The following SANBR variants were observed in gnomAD, a reference collection of about 807,000 sequenced individuals.
SANBR encodes SANT and BTB domain regulator of CSR.
SANBR carries 77 observed loss-of-function variants against 101.8 expected under a neutral mutation model. The observed-to-expected ratio is 0.76, with a 90% confidence interval of 0.63 to 0.91. The LOEUF (loss-of-function observed/expected upper bound fraction) is 0.91, where lower values mean the gene tolerates loss of function less well. Among genes scored for constraint, SANBR ranks in the 40% least tolerant of loss-of-function variants. SANBR has a pLI of 0.00. For missense variants in SANBR, 875 were observed against 853.0 expected, an observed-to-expected ratio of 1.03 and a Z score of -0.32; for synonymous variants, 279 against 274.7, an observed-to-expected ratio of 1.02 and a Z score of -0.15.
chr2:61,092,490 A>C lies in SANBR; in HGVS notation c.1115A>C (p.Tyr372Ser), dbSNP rs773319463. 1 of 1,602,058 alleles carries C rather than the reference A, an allele frequency of 6.2e-7. No individual in the cohort carries two copies. The highest frequency in any genetic ancestry group is 8.5e-7 in the Non-Finnish European group (1 of 1,174,612). The change falls in exon 11 of 22, where the codon TAT becomes TCT. Residue 372 changes from tyrosine to serine, a missense_variant. Transcript: ENST00000402291. ...IRDKTWDVHE[Y>S]LNSLFEELKS... ...GATAAGACATGGGATGTTCATGAGT[A>C]TTTGAATAGTCTTTTCGAAGAATTA...
chr2:61,122,542 A>G lies in SANBR; in HGVS notation c.*380A>G. The G allele has an allele frequency of 1.0e-6, 1 of 1,000,296 alleles. No homozygotes were observed. 62.0% of individuals were successfully genotyped at this position (1,000,296 alleles called of 1,614,324 possible). A position where few individuals can be genotyped will look rare whatever the true frequency, so the allele number is the denominator to read the frequency against. On this transcript the variant is annotated 3_prime_UTR_variant, in exon 22 of 22. Coordinates refer to ENST00000402291, the MANE Select transcript of SANBR (RefSeq NM_001129993.3). ...AACACAACTGGTAGTGTTACCATGC[A>G]TGGCACTGATTGTAGTATGTCTTTG...
At chr2:61,096,682 G>A (rs1214555230) in intron 11 of SANBR, among the ~76,000 whole-genome samples, 2 of 152,042 alleles carry the variant, frequency 1.3e-5, no homozygotes, top group Non-Finnish European at 2.9e-5. Context: ...CCTAGTAGCT[G>A]GAGTGACAGG....
intron 8 of SANBR, among the ~76,000 whole-genome samples, chr2:61,087,435 A>G (rs1405420353): frequency 1.3e-5 from 2 of 151,632 alleles, no homozygotes; most frequent in Admixed American, 1.3e-4. Flanking sequence ...GGTGGCACAC[A>G]GTAGTCCTAG....
At position 61,136,377 on chromosome 2, in the gene SANBR, G is replaced by A. The variant is rs192646103; in HGVS notation, c.*45-1087G>A. ...CAGCCAAGCGCAGTGGCTCACGCCTGTAATCCTAGCAGTTTGGGAGGCCGA... is the reference window on the plus strand; with the variant it reads ...CAGCCAAGCGCAGTGGCTCACGCCTATAATCCTAGCAGTTTGGGAGGCCGA... On this transcript the variant is annotated intron_variant, in intron 21 of 21. Transcript: ENST00000295031. 2.8e-3 allele frequency among the ~76,000 whole-genome samples: 422 copies of A among 152,084 alleles called. 1 individual carries two copies. The highest frequency in any genetic ancestry group is 9.4e-3 in the African/African-American group (392 of 41,502).
chr2:61,094,043 A>G, intron 11 of SANBR: 2 of 973,196 alleles, frequency 2.1e-6, no homozygotes, highest in African/African-American at 1.8e-5. Flanking sequence ...CAATAGAGGG[A>G]AGGAAGAACA....
intron 13 of SANBR, among the ~76,000 whole-genome samples, chr2:61,106,016 C>T (rs1683547405): frequency 6.6e-6 from 1 of 152,108 alleles, no homozygotes; most frequent in African/African-American, 2.4e-5. Context: ...CATTCCACCA[C>T]CTCATAGGTA....
chr2:61,094,016 A>T, intron 11 of SANBR: 1 of 852,598 alleles, frequency 1.2e-6, no homozygotes, highest in Non-Finnish European at 1.4e-6. Context: ...TTCCTCTGTC[A>T]CTTGCGTAAT....
chr2:61,105,347 CAG>C (rs966080845), intron 13 of SANBR, among the ~76,000 whole-genome samples: 1 of 151,226 alleles, frequency 6.6e-6, no homozygotes, highest in East Asian at 2.0e-4. Context: ...GCCTGGGTGA[CAG>C]AGGGAGACTC....
chr2:61,111,983 G>C (rs1172257628), intron 16 of SANBR, among the ~76,000 whole-genome samples: 1 of 152,098 alleles, frequency 6.6e-6, no homozygotes, highest in Non-Finnish European at 1.5e-5. Context: ...CCTCTTGTTG[G>C]CTGTTGTGAA....
chr2:61,119,739 C>G (rs959154915), intron 20 of SANBR, among the ~76,000 whole-genome samples: 3 of 152,100 alleles, frequency 2.0e-5, no homozygotes, highest in Non-Finnish European at 2.9e-5. Flanking sequence ...GGAAGGATCA[C>G]TTGAACCCAC....
In SANBR at chr2:61,124,215, A is replaced by C. The variant is rs1226026814; in HGVS notation, c.*2053A>C. The stretch of plus-strand genomic sequence containing the variant: ...TAGCATTTCTTTCGCCAGATACTTT[A>C]ATATTTCACCTTACATTAATCCTGG... On this transcript the variant is annotated 3_prime_UTR_variant, in exon 22 of 22. Coordinates refer to ENST00000402291, the MANE Select transcript of SANBR (RefSeq NM_001129993.3). The C allele has an allele frequency of 1.0e-6, 1 of 974,560 alleles. No homozygotes were observed. Among genetic ancestry groups the C allele is most frequent in the East Asian group, 1.1e-4 (1 of 8,922 alleles). The allele number at this position is 974,560 out of a possible 1,614,324, so 60.4% of individuals were successfully genotyped here. A position where few individuals can be genotyped will look rare whatever the true frequency, so the allele number is the denominator to read the frequency against.
intron 16 of SANBR, among the ~76,000 whole-genome samples, chr2:61,115,053 T>A (rs1362507176): frequency 6.6e-6 from 1 of 152,134 alleles, no homozygotes; most frequent in Non-Finnish European, 1.5e-5. Flanking sequence ...GATATCAGAG[T>A]CATGATGACA....
chr2:61,082,474 A>G (rs530773482), intron 7 of SANBR, among the ~76,000 whole-genome samples: 1 of 152,132 alleles, frequency 6.6e-6, no homozygotes, highest in African/African-American at 2.4e-5. Context: ...AATTGACTGA[A>G]ATTTTCTGCC....
intron 8 of SANBR, among the ~76,000 whole-genome samples, chr2:61,085,144 C>T (rs1682353964): frequency 6.6e-6 from 1 of 152,102 alleles, no homozygotes; most frequent in African/African-American, 2.4e-5. Context: ...GGTCAAAGGT[C>T]AGGACTTAAA....
chr2:61,101,067 G>A (rs1460192623), intron 12 of SANBR, among the ~76,000 whole-genome samples: 2 of 152,008 alleles, frequency 1.3e-5, no homozygotes, highest in African/African-American at 2.4e-5. Flanking sequence ...ATTTGCAATC[G>A]GTCACCAACT....
chr2:61,114,265 G>T (rs1193481257), intron 16 of SANBR, among the ~76,000 whole-genome samples: 1 of 152,152 alleles, frequency 6.6e-6, no homozygotes, highest in Non-Finnish European at 1.5e-5. Flanking sequence ...CAGACTTGCT[G>T]GCCTTCCCAG....
At chr2:61,069,264 G>A (rs533465642) in intron 2 of SANBR, among the ~76,000 whole-genome samples, 12 of 152,232 alleles carry the variant, frequency 7.9e-5, no homozygotes, top group Admixed American at 2.0e-4. Flanking sequence ...CATCTCATTT[G>A]TGAGATACTT....
chr2:61,100,430 G>A (rs76999041), intron 12 of SANBR, among the ~76,000 whole-genome samples: 26 of 152,182 alleles, frequency 1.7e-4, no homozygotes, highest in Non-Finnish European at 3.1e-4. Flanking sequence ...ACCAGAGAAC[G>A]TTTTAAAAGT....
intron 3 of SANBR, among the ~76,000 whole-genome samples, chr2:61,071,396 A>G (rs890402998): frequency 7.2e-5 from 11 of 151,856 alleles, no homozygotes; most frequent in African/African-American, 2.7e-4. Flanking sequence ...TAAAAATCCA[A>G]AAAATTTGCT....
Sources: allele counts gnomAD v4.1 joint callset (sites outside exome capture counted in the v4.1 genomes callset), GRCh38; gene constraint gnomAD v4.1.1; transcripts MANE v1.5; gene names NCBI Gene and HGNC (gene_info 2026-07-23, HGNC 2026-07-21).